Variants in RAI14 observed in about 807,000 individuals in gnomAD.
RAI14 encodes ankycorbin.
In RAI14, 45 loss-of-function variants were observed where a neutral mutation model predicts 115.4. The observed-to-expected ratio is 0.39, with a 90% CI of 0.31 to 0.50. RAI14 has a LOEUF of 0.50. Ranked by LOEUF, RAI14 falls within the 20% of genes least tolerant of loss-of-function variation. The pLI is 0.85. For missense variants in RAI14, 939 were observed against 1,131.2 expected (o/e 0.83, Z 2.44); for synonymous variants, 371 against 415.4 (o/e 0.89, Z 1.30).
At chr5:34,783,094 A>G (rs1751862698) in intron 3 of RAI14, among the ~76,000 whole-genome samples, 1 of 152,216 alleles carries the variant, frequency 6.6e-6, no homozygotes, top group African/African-American at 2.4e-5. Context: ...GCCAAGATTG[A>G]TAAATATGCC....
intron 4 of RAI14, among the ~76,000 whole-genome samples, chr5:34,803,423 T>TTGGGAGGCTATACTCCCAGCAAC: frequency 6.6e-6 from 1 of 152,144 alleles, no homozygotes; most frequent in East Asian, 1.9e-4. Flanking sequence ...TGTCATGCTA[T>TTGGGAGGCTATACTCCCAGCAAC]TTGGGAGGCT....
chr5:34,695,803 C>G (rs1428023178), intron 2 of RAI14, among the ~76,000 whole-genome samples: 1 of 128,966 alleles, frequency 7.8e-6, no homozygotes, highest in African/African-American at 2.9e-5. Context: ...AAGCACTTTC[C>G]TTTTTTTTTT....
chr5:34,665,198 T>TATATATATACAC lies in RAI14; in HGVS notation c.-49+8724_-49+8725insTATATATACACA, dbSNP rs369742853. Among the ~76,000 whole-genome samples, 37 of 75,706 alleles carry TATATATATACAC rather than the reference T, an allele frequency of 4.9e-4. 10 individuals carry two copies. Among genetic ancestry groups the TATATATATACAC allele is most frequent in the African/African-American group, 1.6e-3 (33 of 20,178 alleles). 49.7% of individuals were successfully genotyped at this position (75,706 alleles called of 152,430 possible). On this transcript the variant is annotated intron_variant, in intron 1 of 17. Transcript: ENST00000265109. ...ACACACATATATATATGTATATATA[T>TATATATATACAC]ACACACACCACAGTTTCTTTATCCA...
At chr5:34,733,473 C>T (rs1263026162) in intron 2 of RAI14, among the ~76,000 whole-genome samples, 1 of 152,158 alleles carries the variant, frequency 6.6e-6, no homozygotes, top group Non-Finnish European at 1.5e-5. Context: ...TGATTTCAAC[C>T]ATGCCAGGTA....
intron 5 of RAI14, 93 bp downstream of exon 5, chr5:34,803,869 C>T (rs1754568005): frequency 8.8e-7 from 1 of 1,139,732 alleles, no homozygotes; most frequent in Non-Finnish European, 1.3e-6. Context: ...CCTCCATACA[C>T]ACTCCTTTAA....
At position 34,830,854 on chromosome 5, in the gene RAI14, C is replaced by T. The variant is rs943077398; in HGVS notation, c.*89C>T. 6.3e-6 allele frequency: 10 copies of T among 1,582,032 alleles called. No homozygotes were observed. Among genetic ancestry groups the T allele is most frequent in the South Asian group, 1.2e-5 (1 of 86,140 alleles). ...GGCAGCCGCTGCCATTGTTCTCATTCGTGGTATGCACTGTGGCCTAGCGTA... is the reference window on the plus strand; with the variant it reads ...GGCAGCCGCTGCCATTGTTCTCATTTGTGGTATGCACTGTGGCCTAGCGTA... On this transcript the variant is annotated 3_prime_UTR_variant, in exon 18 of 18. Coordinates refer to ENST00000265109, the MANE Select transcript of RAI14 (RefSeq NM_015577.3).
intron 7 of RAI14, 119 bp downstream of exon 7, chr5:34,808,773 G>A: frequency 3.1e-6 from 3 of 956,942 alleles, no homozygotes; most frequent in Non-Finnish European, 4.8e-6. Context: ...GGCATCAGGG[G>A]CTGATTTTGA....
intron 3 of RAI14, among the ~76,000 whole-genome samples, chr5:34,792,693 G>A (rs969279004): frequency 6.6e-6 from 1 of 152,122 alleles, no homozygotes; most frequent in Non-Finnish European, 1.5e-5. Context: ...AACTAGCAAT[G>A]GTTTTACTAG....
At chr5:34,729,973 T>G (rs1743969397) in intron 2 of RAI14, among the ~76,000 whole-genome samples, 1 of 152,190 alleles carries the variant, frequency 6.6e-6, no homozygotes, top group African/African-American at 2.4e-5. Context: ...TCTCATTGTT[T>G]AGAGACACAT....
At chr5:34,781,210 C>T (rs1461821538) in intron 3 of RAI14, among the ~76,000 whole-genome samples, 28 of 102,908 alleles carry the variant, frequency 2.7e-4, no homozygotes, top group Non-Finnish European at 4.1e-4. Context: ...CATCACACAC[C>T]GGGGTCTGTC....
intron 1 of RAI14, among the ~76,000 whole-genome samples, chr5:34,671,917 T>C (rs1249564466): frequency 6.6e-6 from 1 of 152,092 alleles, no homozygotes; most frequent in Non-Finnish European, 1.5e-5. Context: ...AAAGAAGACA[T>C]ATTATAGGTC....
intron 3 of RAI14, among the ~76,000 whole-genome samples, chr5:34,767,233 A>G (rs1418090454): frequency 6.6e-6 from 1 of 152,160 alleles, no homozygotes; most frequent in Non-Finnish European, 1.5e-5. Flanking sequence ...TTAAATGGGT[A>G]ATTGTTGCCC....
chr5:34,748,360 G>A (rs1256982694), intron 2 of RAI14, among the ~76,000 whole-genome samples: 1 of 152,214 alleles, frequency 6.6e-6, no homozygotes, highest in Non-Finnish European at 1.5e-5. Context: ...GAAACTGCTG[G>A]TTAGGTGCTT....
At chr5:34,677,642 T>G (rs1229883209) in intron 1 of RAI14, among the ~76,000 whole-genome samples, 2 of 152,114 alleles carry the variant, frequency 1.3e-5, no homozygotes, top group Non-Finnish European at 2.9e-5. Flanking sequence ...GATGGGGATC[T>G]CACTATGTTG....
At chr5:34,698,176 T>C (rs909718494) in intron 2 of RAI14, among the ~76,000 whole-genome samples, 5 of 10,210 alleles carry the variant, frequency 4.9e-4, no homozygotes, top group Admixed American at 8.1e-4. Flanking sequence ...CCCTCCTCCC[T>C]TCCCCTCCTC....
At chr5:34,773,245 A>G (rs978608007) in intron 3 of RAI14, among the ~76,000 whole-genome samples, 6 of 152,190 alleles carry the variant, frequency 3.9e-5, no homozygotes, top group African/African-American at 9.6e-5. Flanking sequence ...CTCTCCCTAT[A>G]TACAAATATC....
chr5:34,658,622 C>A (rs1742459727), intron 1 of RAI14, among the ~76,000 whole-genome samples: 1 of 152,062 alleles, frequency 6.6e-6, no homozygotes, highest in South Asian at 2.1e-4. Context: ...GAAACCCCGT[C>A]TCTACTAAAA....
chr5:34,752,246 A>G (rs1477764146), intron 2 of RAI14, among the ~76,000 whole-genome samples: 1 of 152,218 alleles, frequency 6.6e-6, no homozygotes, highest in Non-Finnish European at 1.5e-5. Context: ...ACACGATTTA[A>G]TAGTTGTTTG....
At chr5:34,697,551 A>G (rs1739420051) in intron 2 of RAI14, among the ~76,000 whole-genome samples, 1 of 152,010 alleles carries the variant, frequency 6.6e-6, no homozygotes, top group Admixed American at 6.6e-5. Flanking sequence ...TATATTGGTG[A>G]CCTGATCTGA....
Sources: allele counts gnomAD v4.1 joint callset (sites outside exome capture counted in the v4.1 genomes callset), GRCh38; gene constraint gnomAD v4.1.1; transcripts MANE v1.5; gene names NCBI Gene and HGNC (gene_info 2026-07-23, HGNC 2026-07-21).